MMP9: variants seen among roughly 807,000 people sequenced by gnomAD.
MMP9 encodes matrix metallopeptidase 9.
MMP9 carries 73 observed loss-of-function variants against 76.4 expected under a neutral mutation model. That is an observed-to-expected ratio of 0.96 (90% CI 0.79 to 1.16). The LOEUF is 1.16. MMP9 is among the 50% of genes most tolerant of loss of function. The pLI is 0.00. For synonymous variants in MMP9, 412 were observed against 408.4 expected, an observed-to-expected ratio of 1.01 and a Z score of -0.11; for missense variants, 943 against 973.0, an observed-to-expected ratio of 0.97 and a Z score of 0.41.
chr20:46,010,550 C>T lies in MMP9; in HGVS notation c.439C>T (p.Leu147=). Residue 147 remains leucine, a synonymous_variant, in exon 3 of 13, where the codon CTG becomes TTG. Transcript: ENST00000372330. ...CGACGCCTTTGCCCGCGCCTTCGCA[C>T]TGTGGAGCGCGGTGACGCCGCTCAC... ...IDDAFARAFA[L]WSAVTPLTFT... is the part of the protein sequence containing the mutation. The T allele has an allele frequency of 1.2e-6, 2 of 1,614,222 alleles. No individual in the cohort carries two copies. The highest frequency in any genetic ancestry group is 1.7e-6 in the Non-Finnish European group (2 of 1,180,032).
intron 6 of MMP9, 128 bp downstream of exon 6, chr20:46,011,875 G>GCC: frequency 8.4e-7 from 1 of 1,194,774 alleles, no homozygotes; most frequent in Non-Finnish European, 1.2e-6. Context: ...CCGTGACTCC[G>GCC]CCCACCTACA....
At position 46,009,006 on chromosome 20, in the gene MMP9, C is replaced by T. The variant is rs201841087; in HGVS notation, c.80C>T (p.Thr27Ile). The T allele has an allele frequency of 1.8e-5, 29 of 1,614,014 alleles. No homozygotes were observed. Among genetic ancestry groups the T allele is most frequent in the Middle Eastern group, 3.3e-4 (2 of 6,060 alleles). The part of the protein sequence containing the change: ...CFAAPRQRQS[T>I]LVLFPGDLRT... Reference sequence around the variant, plus strand: ...GCTGCCCCCAGACAGCGCCAGTCCACCCTTGTGCTCTTCCCTGGAGACCTG... The same window carrying T: ...GCTGCCCCCAGACAGCGCCAGTCCATCCTTGTGCTCTTCCCTGGAGACCTG... The change falls in exon 1 of 13, where the codon ACC (threonine) becomes ATC (isoleucine). Residue 27 changes from threonine (T) to isoleucine (I), a missense_variant. Coordinates refer to ENST00000372330, the MANE Select transcript of MMP9 (RefSeq NM_004994.3).
Position 46,014,111 on chromosome 20 carries a change from T to C in MMP9, c.1751-13T>C. ...CTGCGCCCCCAAACCGACGTGACCCTCCTCCCCTGCAGGGCGCCAGGTGTG... is the reference window on the plus strand; with the variant it reads ...CTGCGCCCCCAAACCGACGTGACCCCCCTCCCCTGCAGGGCGCCAGGTGTG... On this transcript the variant is annotated splice_polypyrimidine_tract_variant and intron_variant, in intron 10 of 12. Coordinates refer to ENST00000372330, the MANE Select transcript of MMP9 (RefSeq NM_004994.3). 6.5e-7 allele frequency: 1 copy of C among 1,534,488 alleles called. No individual in the cohort carries two copies. The highest frequency in any genetic ancestry group is 8.7e-7 in the Non-Finnish European group (1 of 1,146,604).
chr20:46,013,529 G>A lies in MMP9; in HGVS notation c.1605G>A (p.Lys535=), dbSNP rs201928594. 6.2e-7 allele frequency: 1 copy of A among 1,613,926 alleles called. No homozygotes were observed. The highest frequency in any genetic ancestry group is 8.5e-7 in the Non-Finnish European group (1 of 1,179,886). The part of the protein sequence containing the change: ...AEIGNQLYLF[K]DGKYWRFSEG... ...TTGGGAACCAGCTGTATTTGTTCAA[G>A]GATGGGTGAGGAGGCGGGGTTGTGT... Residue 535 remains lysine, a synonymous_variant, in exon 9 of 13, where the codon AAG becomes AAA. Transcript: ENST00000372330. This position sits in a 1 kb window ranked among gnomAD's most constrained non-coding sequence, Gnocchi z 4.5.
At chr20:46,011,839 TC>T (rs2084281980) in intron 6 of MMP9, 92 bp downstream of exon 6, 3 of 1,452,966 alleles carry the variant, frequency 2.1e-6, no homozygotes, top group African/African-American at 1.4e-5. Flanking sequence ...AGTTTGTCTT[TC>T]CACTCTCATT....
chr20:46,010,331 A>AACAAAC, intron 2 of MMP9, 152 bp from the exon 3 acceptor site: 5 of 762,238 alleles, frequency 6.6e-6, no homozygotes, highest in South Asian at 5.4e-5. Context: ...CAAAAAAAAA[A>AACAAAC]AAAAAAAAAA....
rs769280932 is a variant in MMP9 at position 46,013,691 on chromosome 20, C to T, written c.1645C>T (p.Arg549Trp). The T allele has an allele frequency of 6.2e-7, 1 of 1,613,956 alleles. No individual in the cohort carries two copies. The highest frequency in any genetic ancestry group is 1.7e-5 in the Admixed American group (1 of 60,018). ...YWRFSEGRGS[R>W]PQGPFLIADK... ...GCGATTCTCTGAGGGCAGGGGGAGC[C>T]GGCCGCAGGGCCCCTTCCTTATCGC... Residue 549 changes from arginine to tryptophan, a missense_variant, in exon 10 of 13, where the codon CGG becomes TGG. By Grantham distance (101) the Arg-to-Trp change is moderately radical. Transcript: ENST00000372330. The surrounding 1 kb of genome is among the most constrained non-coding windows in gnomAD (Gnocchi z 4.5).
Position 46,013,438 on chromosome 20 carries a change from C to T in MMP9, c.1514C>T (p.Thr505Ile), listed in dbSNP as rs1360140107. The change falls in exon 9 of 13, where the codon ACT becomes ATT. Residue 505 changes from threonine (T) to isoleucine (I), a missense_variant. By Grantham distance (89) the Thr-to-Ile change is moderately conservative. Coordinates refer to ENST00000372330, the MANE Select transcript of MMP9 (RefSeq NM_004994.3). This position sits in a 1 kb window ranked among gnomAD's most constrained non-coding sequence, Gnocchi z 4.5. ...CCCACTGCTGGCCCTTCTACGGCCA[C>T]TACTGTGCCTTTGAGTCCGGTGGAC... ...GPPTAGPSTATTVPLSPVDDA... is the reference protein window; with the variant it reads ...GPPTAGPSTAITVPLSPVDDA... 1.2e-6 allele frequency: 2 copies of T among 1,614,122 alleles called. No homozygotes were observed. Among genetic ancestry groups the T allele is most frequent in the Non-Finnish European group, 1.7e-6 (2 of 1,179,988 alleles).
At position 46,010,737 on chromosome 20, in the gene MMP9, C is replaced by A. The variant is rs1360405192; in HGVS notation, c.520+106C>A. Reference sequence around the variant, plus strand: ...GTGGCCCCGGCTTCCTCTTGCCTGCCCGCGCTGCCCTGGCTTATACGGCCC... The same window carrying A: ...GTGGCCCCGGCTTCCTCTTGCCTGCACGCGCTGCCCTGGCTTATACGGCCC... On this transcript the variant is annotated intron_variant, in intron 3 of 12. Transcript: ENST00000372330. 10 of 1,541,804 alleles carry A rather than the reference C, an allele frequency of 6.5e-6. 1 individual carries two copies. Among genetic ancestry groups the A allele is most frequent in the East Asian group, 2.4e-5 (1 of 41,224 alleles).
At chr20:46,014,668 G>A in intron 12 of MMP9, 194 bp downstream of exon 12, 1 of 649,216 alleles carries the variant, frequency 1.5e-6, no homozygotes, top group Non-Finnish European at 2.7e-6. Flanking sequence ...CCAGGACCCA[G>A]ATTTCCTGCC....
Position 46,016,370 on chromosome 20 carries a change from G to T in MMP9, c.*2G>T. On this transcript the variant is annotated 3_prime_UTR_variant, in exon 13 of 13. Transcript: ENST00000372330. Reference sequence around the variant, plus strand: ...ATCCTGCAGTGCCCTGAGGACTAGGGCTCCCGTCCTGCTTTGGCAGTGCCA... The same window carrying T: ...ATCCTGCAGTGCCCTGAGGACTAGGTCTCCCGTCCTGCTTTGGCAGTGCCA... The T allele has an allele frequency of 6.2e-7, 1 of 1,612,762 alleles. No individual in the cohort carries two copies. The highest frequency in any genetic ancestry group is 8.5e-7 in the Non-Finnish European group (1 of 1,178,778).
At chr20:46,011,439 A>C in intron 5 of MMP9, 123 bp downstream of exon 5, 1 of 1,566,054 alleles carries the variant, frequency 6.4e-7, no homozygotes, top group Non-Finnish European at 8.7e-7. Context: ...CTCTGGGCCC[A>C]ATTTTCTCAT....
At position 46,010,944 on chromosome 20, in the gene MMP9, C is replaced by T. The variant is rs200799611; in HGVS notation, c.543C>T (p.Phe181=). 4.3e-5 allele frequency: 70 copies of T among 1,614,128 alleles called. No homozygotes were observed. The Middle Eastern group carries it at 4.9e-4, about 11-fold the overall frequency. ...GVAEHGDGYP[F]DGKDGLLAHA... ...CAGAGCACGGAGACGGGTATCCCTT[C>T]GACGGGAAGGACGGGCTCCTGGCAC... The change falls in exon 4 of 13, where the codon TTC becomes TTT. Residue 181 remains phenylalanine (F), a synonymous_variant. Transcript: ENST00000372330.
chr20:46,013,153 T>A lies in MMP9; in HGVS notation c.1331-102T>A, dbSNP rs2084295057. 7.3e-7 allele frequency: 1 copy of A among 1,371,786 alleles called. No individual in the cohort carries two copies. Among genetic ancestry groups the A allele is most frequent in the Non-Finnish European group, 1.0e-6 (1 of 962,336 alleles). The allele number at this position is 1,371,786 out of a possible 1,614,324, so 85.0% of individuals were successfully genotyped here. A position where few individuals can be genotyped will look rare whatever the true frequency, so the allele number is the denominator to read the frequency against. ...GGGAGGCTGAGTGAGGAGGGGCCTG[T>A]GTGCCAGAGGAGGCTTCACTGAGAA... On this transcript the variant is annotated intron_variant, in intron 8 of 12. Transcript: ENST00000372330. The surrounding 1 kb of genome is among the most constrained non-coding windows in gnomAD (Gnocchi z 4.5).
intron 10 of MMP9, 112 bp from the exon 11 acceptor site, chr20:46,014,012 G>C (rs941610243): frequency 2.0e-6 from 3 of 1,492,116 alleles, no homozygotes; most frequent in Non-Finnish European, 2.7e-6. Flanking sequence ...TGGGTTGCAG[G>C]GACTGCGGGC....
At position 46,012,243 on chromosome 20, in the gene MMP9, T is replaced by C. The variant is rs1158186210; in HGVS notation, c.1104T>C (p.Asp368=). 1 of 1,613,948 alleles carries C rather than the reference T, an allele frequency of 6.2e-7. No individual in the cohort carries two copies. The highest frequency in any genetic ancestry group is 2.2e-5 in the East Asian group (1 of 44,886). ...YSTCTSEGRG[D]GRLWCATTSN... ...CCTGTACCAGCGAGGGCCGCGGAGA[T>C]GGGCGCCTCTGGTGCGCTACCACCT... The change falls in exon 7 of 13, where the codon GAT becomes GAC. Residue 368 remains aspartate (D), a synonymous_variant. Coordinates refer to ENST00000372330, the MANE Select transcript of MMP9 (RefSeq NM_004994.3).
At position 46,012,258 on chromosome 20, in the gene MMP9, C is replaced by T. The variant is rs752547204; in HGVS notation, c.1119C>T (p.Cys373=). 5.0e-6 allele frequency: 8 copies of T among 1,614,008 alleles called. No homozygotes were observed. Among genetic ancestry groups the T allele is most frequent in the Non-Finnish European group, 5.9e-6 (7 of 1,180,046 alleles). The change falls in exon 7 of 13, where the codon TGC becomes TGT. Residue 373 remains cysteine (C), a synonymous_variant. Transcript: ENST00000372330. ...GCCGCGGAGATGGGCGCCTCTGGTGCGCTACCACCTCGAACTTTGACAGCG... is the reference window on the plus strand; with the variant it reads ...GCCGCGGAGATGGGCGCCTCTGGTGTGCTACCACCTCGAACTTTGACAGCG... ...SEGRGDGRLW[C]ATTSNFDSDK...
At position 46,010,596 on chromosome 20, in the gene MMP9, G is replaced by A; in HGVS notation, c.485G>A (p.Arg162Gln). 1.9e-6 allele frequency: 3 copies of A among 1,614,008 alleles called. No homozygotes were observed. The highest frequency in any genetic ancestry group is 1.7e-6 in the Non-Finnish European group (2 of 1,179,942). The change falls in exon 3 of 13, where the codon CGG becomes CAG. Residue 162 changes from arginine (R) to glutamine (Q), a missense_variant. Coordinates refer to ENST00000372330, the MANE Select transcript of MMP9 (RefSeq NM_004994.3). ...CTCACCTTCACTCGCGTGTACAGCC[G>A]GGACGCAGACATCGTCATCCAGTTT... ...TPLTFTRVYS[R>Q]DADIVIQFGV... is the part of the protein sequence containing the mutation.
At chr20:46,014,081 TCC>T in intron 10 of MMP9, 41 bp from the exon 11 acceptor site, 2 of 1,533,580 alleles carry the variant, frequency 1.3e-6, no homozygotes, top group African/African-American at 1.4e-5. Flanking sequence ...GAGTACGTGC[TCC>T]CTCTGCGCCC....
Sources: allele counts gnomAD v4.1 joint callset, GRCh38; gene constraint gnomAD v4.1.1; non-coding constraint Gnocchi (gnomAD v3.1); transcripts MANE v1.5; gene names NCBI Gene and HGNC (gene_info 2026-07-23, HGNC 2026-07-21).